Variants in RABGAP1L observed in about 807,000 individuals in gnomAD.
The protein encoded by RABGAP1L is rab GTPase-activating protein 1-like.
In RABGAP1L, 63 loss-of-function variants were observed where a neutral mutation model predicts 137.7. That is an observed-to-expected ratio of 0.46 (90% CI 0.37 to 0.56). RABGAP1L has a LOEUF of 0.56. Among genes scored for constraint, RABGAP1L ranks in the 20% least tolerant of loss-of-function variants. The pLI, the probability that RABGAP1L is intolerant of heterozygous loss-of-function variation, is 0.00. For missense variants in RABGAP1L, 1,095 were observed against 1,244.0 expected, an observed-to-expected ratio of 0.88 and a Z score of 1.80; for synonymous variants, 431 against 433.7, an observed-to-expected ratio of 0.99 and a Z score of 0.08.
rs57246923 is a variant in RABGAP1L, at chr1:174,455,363, T to C, written c.1710+61218T>C. Reference sequence around the variant, plus strand: ...TTATTTTATTTTCTACTTAAGCAATTGTAAATAAGGTTGATGCCAGTTAAA... The same window carrying C: ...TTATTTTATTTTCTACTTAAGCAATCGTAAATAAGGTTGATGCCAGTTAAA... On this transcript the variant is annotated intron_variant, in intron 13 of 25. Coordinates refer to ENST00000681986, the MANE Select transcript of RABGAP1L (RefSeq NM_001366446.1). Among the ~76,000 whole-genome samples, 878 of 152,294 alleles carry C rather than the reference T, an allele frequency of 5.8e-3. 8 individuals are homozygous for C. The highest frequency in any genetic ancestry group is 0.02 in the African/African-American group (838 of 41,576).
chr1:174,746,909 T>C (rs986007175), intron 17 of RABGAP1L, among the ~76,000 whole-genome samples: 2 of 152,232 alleles, frequency 1.3e-5, no homozygotes, highest in African/African-American at 4.8e-5. Context: ...GTTATTATTT[T>C]GCATTTGGAG....
intron 14 of RABGAP1L, 149 bp from the exon 15 acceptor site, chr1:174,683,373 C>A: frequency 1.8e-6 from 1 of 561,644 alleles, no homozygotes; most frequent in Non-Finnish European, 3.2e-6. Context: ...TCTCACTGTG[C>A]TAGTGGTATA....
At chr1:174,542,754 C>G (rs1018445051) in intron 13 of RABGAP1L, among the ~76,000 whole-genome samples, 1 of 152,182 alleles carries the variant, frequency 6.6e-6, no homozygotes, top group African/African-American at 2.4e-5. Flanking sequence ...TCCCTCTACA[C>G]ATTGCTTTAA....
intron 19 of RABGAP1L, among the ~76,000 whole-genome samples, chr1:174,819,402 T>A (rs1690786736): frequency 6.6e-6 from 1 of 152,112 alleles, no homozygotes; most frequent in Non-Finnish European, 1.5e-5. Context: ...CCAGGCATTG[T>A]ACCAGATAGA....
chr1:174,725,160 T>C (rs1681882488), intron 17 of RABGAP1L, among the ~76,000 whole-genome samples: 1 of 152,136 alleles, frequency 6.6e-6, no homozygotes, highest in Non-Finnish European at 1.5e-5. Context: ...TGTGAATGCA[T>C]TGAAGGGGAT....
At position 174,638,549 on chromosome 1, in the gene RABGAP1L, T is replaced by G. The variant is rs542564087; in HGVS notation, c.1824+1061T>G. Among the ~76,000 whole-genome samples the G allele has an allele frequency of 2.1e-3, 316 of 150,490 alleles. 2 individuals carry two copies. Among genetic ancestry groups the G allele is most frequent in the African/African-American group, 6.6e-3 (269 of 40,744 alleles). On this transcript the variant is annotated intron_variant, in intron 14 of 25. Coordinates refer to ENST00000681986, the MANE Select transcript of RABGAP1L (RefSeq NM_001366446.1). ...TCCCATTACTTGGTATATACCCAAA[T>G]GACTATAAATCATGCTGCTGTAAAG...
At chr1:174,537,393 A>T (rs1664975710) in intron 13 of RABGAP1L, among the ~76,000 whole-genome samples, 1 of 152,218 alleles carries the variant, frequency 6.6e-6, no homozygotes, top group South Asian at 2.1e-4. Context: ...TTACTGGAGA[A>T]ATCAGTGAAG....
chr1:174,898,067 GA>G (rs1657538241), intron 19 of RABGAP1L: 1 of 151,186 alleles, frequency 6.6e-6, no homozygotes, highest in Non-Finnish European at 1.5e-5. Flanking sequence ...AATAGGAAAA[GA>G]AAATTAGTAT....
chr1:174,514,487 TAC>T (rs1662637099), intron 13 of RABGAP1L, among the ~76,000 whole-genome samples: 3 of 152,282 alleles, frequency 2.0e-5, no homozygotes, highest in African/African-American at 7.2e-5. Context: ...AGTTATAACT[TAC>T]ACAGTTTGCT....
At chr1:174,765,348 G>A (rs1446897491) in intron 18 of RABGAP1L, among the ~76,000 whole-genome samples, 23 of 152,190 alleles carry the variant, frequency 1.5e-4, no homozygotes, top group Admixed American at 1.2e-3. Context: ...CTTATTGGCC[G>A]TTTGTATATC....
At chr1:174,166,556 G>A (rs1664926395) in intron 1 of RABGAP1L, among the ~76,000 whole-genome samples, 1 of 152,208 alleles carries the variant, frequency 6.6e-6, no homozygotes, top group Admixed American at 6.5e-5. Flanking sequence ...GACTGAAGAT[G>A]TTTTGAAGTC....
At chr1:174,906,315 G>T (rs1659079033) in intron 19 of RABGAP1L, among the ~76,000 whole-genome samples, 1 of 152,050 alleles carries the variant, frequency 6.6e-6, no homozygotes, top group Non-Finnish European at 1.5e-5. Flanking sequence ...ACCATGCCTA[G>T]CCTAGAAAGC....
chr1:174,450,107 C>CT (rs371377883), intron 13 of RABGAP1L, among the ~76,000 whole-genome samples: 169 of 151,768 alleles, frequency 1.1e-3, no homozygotes, highest in African/African-American at 3.6e-3. Context: ...AAAGTGATGT[C>CT]TTTTTTTTGC....
intron 19 of RABGAP1L, among the ~76,000 whole-genome samples, chr1:174,847,366 C>A (rs1049819857): frequency 6.6e-6 from 1 of 151,312 alleles, no homozygotes. Flanking sequence ...CGGCTGGTAC[C>A]GGTTGTTCCT....
intron 10 of RABGAP1L, among the ~76,000 whole-genome samples, chr1:174,282,494 G>A (rs186053163): frequency 1.2e-3 from 183 of 152,110 alleles, no homozygotes; most frequent in African/African-American, 4.2e-3. Context: ...AGTTGCAAGA[G>A]TTGTTTATAT....
intron 13 of RABGAP1L, among the ~76,000 whole-genome samples, chr1:174,609,159 G>T (rs1670996996): frequency 6.6e-6 from 1 of 152,028 alleles, no homozygotes; most frequent in South Asian, 2.1e-4. Flanking sequence ...AAAAATGAAA[G>T]AGTTTTTATT....
intron 13 of RABGAP1L, among the ~76,000 whole-genome samples, chr1:174,573,410 A>C (rs938819866): frequency 6.6e-6 from 1 of 152,094 alleles, no homozygotes; most frequent in African/African-American, 2.4e-5. Flanking sequence ...TTACCATCAA[A>C]AGTCATTAAG....
intron 19 of RABGAP1L, among the ~76,000 whole-genome samples, chr1:174,867,034 G>A (rs1354377675): frequency 6.6e-6 from 1 of 151,974 alleles, no homozygotes; most frequent in East Asian, 1.9e-4. Context: ...GCTGCAGTGA[G>A]CTGTAAATGC....
intron 13 of RABGAP1L, among the ~76,000 whole-genome samples, chr1:174,635,774 T>G (rs1029399590): frequency 3.9e-5 from 6 of 152,152 alleles, no homozygotes; most frequent in Non-Finnish European, 7.3e-5. Context: ...TTTCTGTATA[T>G]AAGATCTAAT....
Sources: gnomAD v4.1 joint callset for allele counts (sites outside exome capture counted in the v4.1 genomes callset) on GRCh38, gnomAD v4.1.1 for gene constraint, MANE v1.5 for transcripts, NCBI Gene and HGNC (gene_info 2026-07-23, HGNC 2026-07-21) for gene names.